DORIP1: variants seen among roughly 807,000 people sequenced by gnomAD.
DORIP1 encodes dopamine receptor-interacting protein 1.
chr14:44,900,469 A>G, the DORIP1 span: 1 of 1,550,906 alleles, frequency 6.4e-7, no homozygotes, highest in Non-Finnish European at 8.6e-7. Context: ...CAAAGCATCA[A>G]TTAAAAATAA....
chr14:44,904,001 G>A, the DORIP1 span: 9 of 980,098 alleles, frequency 9.2e-6, no homozygotes, highest in Non-Finnish European at 1.1e-5. Context: ...GAAACAATTT[G>A]TTCATGCTTA....
chr14:44,904,635 A>G, the DORIP1 span: 7 of 1,141,034 alleles, frequency 6.1e-6, no homozygotes, highest in African/African-American at 7.9e-5. Context: ...AAACAATCAT[A>G]TCTGTCTCTA....
At chr14:44,901,770 A>G in the DORIP1 span, among the ~76,000 whole-genome samples, 2 of 152,190 alleles carry the variant, frequency 1.3e-5, no homozygotes, top group Non-Finnish European at 2.9e-5. Flanking sequence ...GGCATCTCAC[A>G]TGTGGATGTG....
At chr14:44,898,171 C>T in the DORIP1 span, among the ~76,000 whole-genome samples, 1 of 152,324 alleles carries the variant, frequency 6.6e-6, no homozygotes, top group South Asian at 2.1e-4. Flanking sequence ...CCTAGCTAAA[C>T]AGCTAAGACA....
At chr14:44,904,328 A>G in the DORIP1 span, 11 of 1,549,208 alleles carry the variant, frequency 7.1e-6, no homozygotes, top group African/African-American at 1.2e-4. Flanking sequence ...CATAAAGACA[A>G]CTCTGAAGTG....
the DORIP1 span, among the ~76,000 whole-genome samples, chr14:44,900,096 C>T: frequency 6.6e-6 from 1 of 152,114 alleles, no homozygotes; most frequent in Non-Finnish European, 1.5e-5. Context: ...TCCCAAAGTA[C>T]TGGGATTACA....
chr14:44,900,804 T>TAA, the DORIP1 span: 1 of 1,614,124 alleles, frequency 6.2e-7, no homozygotes, highest in Non-Finnish European at 8.5e-7. Flanking sequence ...CTGAAGTCCA[T>TAA]AAAGCTTCAT....
chr14:44,899,824 ATTT>A, the DORIP1 span, among the ~76,000 whole-genome samples: 3 of 115,272 alleles, frequency 2.6e-5, no homozygotes, highest in African/African-American at 1.1e-4. Context: ...TCATTTAGGA[ATTT>A]TTTTTTTTTT....
chr14:44,904,398 TG>T, the DORIP1 span: 1 of 1,610,588 alleles, frequency 6.2e-7, no homozygotes, highest in East Asian at 2.2e-5. Flanking sequence ...ATTTTAGGTG[TG>T]GTGGCTTAAG....
the DORIP1 span, chr14:44,900,441 G>C: frequency 3.4e-6 from 5 of 1,489,274 alleles, no homozygotes; most frequent in Non-Finnish European, 4.5e-6. Flanking sequence ...GTAGGATGAA[G>C]ACACTGTTTG....
the DORIP1 span, chr14:44,903,474 GA>G: frequency 2.4e-6 from 3 of 1,270,048 alleles, no homozygotes; most frequent in Non-Finnish European, 3.0e-6. Context: ...GCTGATTGAT[GA>G]ATACAAAGCA....
the DORIP1 span, chr14:44,900,984 G>C: frequency 6.5e-7 from 1 of 1,535,222 alleles, no homozygotes; most frequent in East Asian, 2.3e-5. Context: ...CGTCTGTTTT[G>C]TCACTTTTAC....
chr14:44,903,514 G>A, the DORIP1 span: 1 of 1,136,218 alleles, frequency 8.8e-7, no homozygotes. Flanking sequence ...CCCCCCCACT[G>A]CTGAGTAGGT....
chr14:44,905,635 C>T, the DORIP1 span: 1 of 997,446 alleles, frequency 1.0e-6, no homozygotes, highest in Non-Finnish European at 1.4e-6. Context: ...ACTTGGTATC[C>T]AAGAAAATAG....
chr14:44,899,529 A>G, the DORIP1 span, among the ~76,000 whole-genome samples: 5 of 152,232 alleles, frequency 3.3e-5, no homozygotes, highest in African/African-American at 7.2e-5. Flanking sequence ...CTGTCTTTCA[A>G]AGCTAAATGT....
the DORIP1 span, chr14:44,900,281 A>C: frequency 1.7e-6 from 1 of 591,852 alleles, no homozygotes; most frequent in Non-Finnish European, 2.6e-6. Flanking sequence ...GTGCGCGAAA[A>C]GTGGCTCATT....
chr14:44,901,058 A>T, the DORIP1 span: 2 of 1,180,680 alleles, frequency 1.7e-6, no homozygotes, highest in African/African-American at 3.1e-5. Flanking sequence ...TTGGGTCAAC[A>T]AAGGACCACA....
the DORIP1 span, chr14:44,900,994 C>CT: frequency 1.3e-6 from 2 of 1,529,434 alleles, no homozygotes; most frequent in African/African-American, 2.8e-5. Context: ...GTCACTTTTA[C>CT]TTTTTTTAAT....
the DORIP1 span, chr14:44,905,320 TAAC>T: frequency 1.8e-5 from 23 of 1,264,842 alleles, no homozygotes; most frequent in African/African-American, 1.8e-4. Context: ...ATGTTTATCT[TAAC>T]AAAGTATTAA....
Sources: gnomAD v4.1 joint callset for allele counts (sites outside exome capture counted in the v4.1 genomes callset) on GRCh38, gnomAD v4.1.1 for gene constraint, MANE v1.5 for transcripts, NCBI Gene and HGNC (gene_info 2026-07-23, HGNC 2026-07-21) for gene names.